The following DERA variants were observed in gnomAD, a reference collection of about 807,000 sequenced individuals.
The protein encoded by DERA is 2-deoxy-D-ribose 5-phosphate aldolase.
A neutral mutation model predicts 41.1 loss-of-function variants in DERA; 15 were observed. The ratio of observed to expected loss-of-function variants is 0.37; its 90% CI spans 0.24 to 0.56. The LOEUF is 0.56. DERA is among the 20% of genes least tolerant of loss of function. DERA has a pLI of 0.81. For synonymous variants in DERA, 139 were observed against 137.4 expected (o/e 1.01, Z -0.08); for missense variants, 396 against 403.4 (o/e 0.98, Z 0.16).
At chr12:15,925,485 T>TG (rs1272020375) in intron 1 of DERA, among the ~76,000 whole-genome samples, 1 of 151,982 alleles carries the variant, frequency 6.6e-6, no homozygotes, top group African/African-American at 2.4e-5. Flanking sequence ...CTTTTAAGTG[T>TG]GAAAAAAAAA....
chr12:15,963,846 T>G (rs577173151), intron 5 of DERA, among the ~76,000 whole-genome samples: 1 of 152,304 alleles, frequency 6.6e-6, no homozygotes, highest in South Asian at 2.1e-4. Context: ...CTATTTCTCA[T>G]GGGTATTTTC....
intron 1 of DERA, among the ~76,000 whole-genome samples, chr12:15,945,418 T>G (rs1948439867): frequency 6.6e-6 from 1 of 152,240 alleles, no homozygotes; most frequent in African/African-American, 2.4e-5. Flanking sequence ...AGCAGTGGTT[T>G]GTAGTTCTCC....
chr12:15,942,774 C>T (rs902298824), intron 1 of DERA, among the ~76,000 whole-genome samples: 3 of 152,206 alleles, frequency 2.0e-5, no homozygotes, highest in Non-Finnish European at 4.4e-5. Context: ...CTGCACCGGG[C>T]TCTCACGTGC....
Position 15,957,786 on chromosome 12 carries a change from T to C in DERA, c.130-402T>C, listed in dbSNP as rs776836196. ...ACTTGGAAACTTTTAAAAATGATAA[T>C]CTCATCCCAGATCCCAGAGCGGGAG... On this transcript the variant is annotated intron_variant, in intron 2 of 8. Transcript: ENST00000428559. This position sits in a 1 kb window ranked among gnomAD's most constrained non-coding sequence, Gnocchi z 4.8. Among the ~76,000 whole-genome samples the C allele has an allele frequency of 2.0e-5, 3 of 152,218 alleles. No individual in the cohort carries two copies. The highest frequency in any genetic ancestry group is 2.9e-5 in the Non-Finnish European group (2 of 68,042).
At chr12:15,963,867 T>G (rs1948605408) in intron 5 of DERA, among the ~76,000 whole-genome samples, 1 of 151,956 alleles carries the variant, frequency 6.6e-6, no homozygotes, top group African/African-American at 2.4e-5. Flanking sequence ...CTGTGACTGT[T>G]TCTATCCATC....
Position 16,004,365 on chromosome 12 carries a change from C to CCAG in DERA, c.637+21930_637+21931insAGC, listed in dbSNP as rs199548602. Among the ~76,000 whole-genome samples the CCAG allele has an allele frequency of 1.3e-5, 2 of 151,918 alleles. No homozygotes were observed. Among genetic ancestry groups the CCAG allele is most frequent in the African/African-American group, 4.8e-5 (2 of 41,294 alleles). On this transcript the variant is annotated intron_variant, in intron 6 of 8. Transcript: ENST00000428559. This position sits in a 1 kb window ranked among gnomAD's most constrained non-coding sequence, Gnocchi z 4.2. The stretch of plus-strand genomic sequence containing the variant: ...ACCACTGCAGAAAAGAAAAGAAAAA[C>CCAG]CCAACTCCTCCTTAACAATTTGTTC...
At chr12:16,016,368 C>CT (rs1354975334) in intron 6 of DERA, among the ~76,000 whole-genome samples, 3 of 152,202 alleles carry the variant, frequency 2.0e-5, no homozygotes, top group African/African-American at 7.2e-5. Context: ...GAATTGTTCT[C>CT]TATGTAGATA....
At chr12:15,919,344 G>A (rs1948224680) in intron 1 of DERA, among the ~76,000 whole-genome samples, 1 of 152,020 alleles carries the variant, frequency 6.6e-6, no homozygotes, top group African/African-American at 2.4e-5. Context: ...ATTTAAAATG[G>A]GATGCTTCTG....
At chr12:15,923,104 G>A (rs1189112746) in intron 1 of DERA, among the ~76,000 whole-genome samples, 3 of 137,550 alleles carry the variant, frequency 2.2e-5, no homozygotes, top group Admixed American at 1.6e-4. Flanking sequence ...CTCACTGCAA[G>A]CTCCGCCTCC....
chr12:15,997,313 G>A (rs1327997779), intron 6 of DERA, among the ~76,000 whole-genome samples: 2 of 151,866 alleles, frequency 1.3e-5, no homozygotes, highest in Non-Finnish European at 2.9e-5. Context: ...TTTATTTGCT[G>A]TTTAAAAAAA....
chr12:15,973,098 G>A (rs530696548), intron 5 of DERA, among the ~76,000 whole-genome samples: 1 of 152,216 alleles, frequency 6.6e-6, no homozygotes, highest in Admixed American at 6.5e-5. Flanking sequence ...GGGAACGACA[G>A]GCAGAGGTCA....
chr12:15,946,879 C>G (rs1483456283), intron 1 of DERA, among the ~76,000 whole-genome samples: 1 of 152,214 alleles, frequency 6.6e-6, no homozygotes, highest in African/African-American at 2.4e-5. Context: ...ATAAATTTCA[C>G]TCTACACACT....
At chr12:15,963,809 C>G (rs762620370) in intron 5 of DERA, among the ~76,000 whole-genome samples, 20 of 152,102 alleles carry the variant, frequency 1.3e-4, no homozygotes, top group Non-Finnish European at 2.1e-4. Flanking sequence ...GATTTTATCT[C>G]TTATTTAACC....
At chr12:15,980,830 T>G (rs1948727858) in intron 5 of DERA, among the ~76,000 whole-genome samples, 1 of 152,208 alleles carries the variant, frequency 6.6e-6, no homozygotes, top group Non-Finnish European at 1.5e-5. Context: ...TCTCTTCATT[T>G]TTCACTTCTG....
Position 15,972,026 on chromosome 12 carries a change from C to T in DERA, c.508+9079C>T. On this transcript the variant is annotated intron_variant, in intron 5 of 8. Transcript: ENST00000428559. The surrounding 1 kb of genome is among the most constrained non-coding windows in gnomAD (Gnocchi z 4.4). ...AGGAAGACAGCACCTCGTGTAGCTTCCTGCGATCTGACCAGGAGAGCAGGA... is the reference window on the plus strand; with the variant it reads ...AGGAAGACAGCACCTCGTGTAGCTTTCTGCGATCTGACCAGGAGAGCAGGA... 5.8e-6 allele frequency: 1 copy of T among 172,848 alleles called. No individual in the cohort carries two copies. The highest frequency in any genetic ancestry group is 1.8e-4 in the East Asian group (1 of 5,490). 10.7% of individuals were successfully genotyped at this position (172,848 alleles called of 1,614,324 possible).
intron 6 of DERA, among the ~76,000 whole-genome samples, chr12:15,997,286 G>A (rs184954502): frequency 2.0e-5 from 3 of 151,598 alleles, no homozygotes; most frequent in South Asian, 2.1e-4. Flanking sequence ...CTTTTCCTCC[G>A]CATGGGTGAA....
At chr12:15,956,694 C>T (rs1388743152) in intron 1 of DERA, 1 of 554,382 alleles carries the variant, frequency 1.8e-6, no homozygotes, top group Non-Finnish European at 3.4e-6. Flanking sequence ...TAGGCTGGTA[C>T]AGAAGCAATT....
rs1948695367 is a variant in DERA at position 15,976,152 on chromosome 12, T to C, written c.509-6156T>C. Among the ~76,000 whole-genome samples, 1 of 152,222 alleles carries C rather than the reference T, an allele frequency of 6.6e-6. No homozygotes were observed. Among genetic ancestry groups the C allele is most frequent in the Non-Finnish European group, 1.5e-5 (1 of 68,036 alleles). On this transcript the variant is annotated intron_variant, in intron 5 of 8. Transcript: ENST00000428559. This position sits in a 1 kb window ranked among gnomAD's most constrained non-coding sequence, Gnocchi z 4.1. ...ACTCCAGCATTGCATGGTTTATTCT[T>C]ACTTTCCCCTTCCATATTTATACCC...
chr12:15,916,545 G>T (rs1948201516), intron 1 of DERA, among the ~76,000 whole-genome samples: 1 of 151,064 alleles, frequency 6.6e-6, no homozygotes, highest in African/African-American at 2.4e-5. Flanking sequence ...CCGCCTCCCG[G>T]GTTCAAGTGA....
Sources: gnomAD v4.1 joint callset for allele counts (sites outside exome capture counted in the v4.1 genomes callset) on GRCh38, gnomAD v4.1.1 for gene constraint, Gnocchi (gnomAD v3.1) non-coding constraint, MANE v1.5 for transcripts, NCBI Gene and HGNC (gene_info 2026-07-23, HGNC 2026-07-21) for gene names.